The following TMEM131L variants were observed in gnomAD, a reference collection of about 807,000 sequenced individuals.
The protein encoded by TMEM131L is transmembrane protein 131-like.
A neutral mutation model predicts 192.2 loss-of-function variants in TMEM131L; 54 were observed. The observed-to-expected ratio is 0.28, with a 90% CI of 0.23 to 0.35. TMEM131L has a LOEUF of 0.35. Among genes scored for constraint, TMEM131L ranks in the 10% least tolerant of loss-of-function variants. TMEM131L has a pLI of 1.00. For synonymous variants in TMEM131L, 701 were observed against 704.9 expected (o/e 0.99, Z 0.09); for missense variants, 1,888 against 1,972.9 (o/e 0.96, Z 0.82).
intron 3 of TMEM131L, among the ~76,000 whole-genome samples, chr4:153,505,014 C>T (rs1261123331): frequency 6.6e-6 from 1 of 152,108 alleles, no homozygotes; most frequent in Non-Finnish European, 1.5e-5. Flanking sequence ...GAACTAGGCT[C>T]CTTGGCCTTT....
At chr4:153,580,731 A>G (rs1730271937) in intron 7 of TMEM131L, 95 bp from the exon 8 acceptor site, 1 of 704,162 alleles carries the variant, frequency 1.4e-6, no homozygotes, top group Admixed American at 2.5e-5. Context: ...ATAAATGAAA[A>G]AGTGTAGTTT....
chr4:153,554,522 A>G (rs1372865690), intron 4 of TMEM131L, among the ~76,000 whole-genome samples: 2 of 152,242 alleles, frequency 1.3e-5, no homozygotes, highest in African/African-American at 4.8e-5. Context: ...AAGAGAAGCA[A>G]CATCCATTTC....
chr4:153,558,294 G>C lies in TMEM131L; in HGVS notation c.586G>C (p.Gly196Arg). 1 of 1,608,598 alleles carries C rather than the reference G, an allele frequency of 6.2e-7. No homozygotes were observed. Among genetic ancestry groups the C allele is most frequent in the Non-Finnish European group, 8.5e-7 (1 of 1,175,708 alleles). The part of the protein sequence containing the change: ...GIGTRRISTE[G>R]SAKQLPNAYF... ...TGGCACTCGTAGAATCTCTACAGAA[G>C]GGTCTGCAAAGCAGCTACCAAATGC... Residue 196 changes from glycine to arginine, a missense_variant, in exon 7 of 35, where the codon GGG becomes CGG. By Grantham distance (125) the Gly-to-Arg change is moderately radical. Transcript: ENST00000409959.
intron 12 of TMEM131L, 79 bp from the exon 13 acceptor site, chr4:153,585,379 T>C (rs1019673969): frequency 5.8e-6 from 8 of 1,368,876 alleles, no homozygotes; most frequent in Non-Finnish European, 8.2e-6. Context: ...TGCTCCTGTT[T>C]TTGCAATTAG....
intron 3 of TMEM131L, among the ~76,000 whole-genome samples, chr4:153,533,136 A>G (rs1736041617): frequency 6.6e-6 from 1 of 152,092 alleles, no homozygotes; most frequent in Non-Finnish European, 1.5e-5. Flanking sequence ...ACAGGCATGC[A>G]CTACCACACC....
chr4:153,535,075 A>G (rs1401672559), intron 3 of TMEM131L, among the ~76,000 whole-genome samples: 1 of 152,212 alleles, frequency 6.6e-6, no homozygotes, highest in African/African-American at 2.4e-5. Context: ...GAAACCAGTG[A>G]GGCCCTTACA....
Position 153,488,856 on chromosome 4 carries a change from G to A in TMEM131L, c.239+14968G>A, listed in dbSNP as rs552683513. Reference sequence around the variant, plus strand: ...TTTCCTAGCTTCTGCGGGCTCGCCGGCAGCCTGTGGGGTTTCTTGGCTTGC... The same window carrying A: ...TTTCCTAGCTTCTGCGGGCTCGCCGACAGCCTGTGGGGTTTCTTGGCTTGC... On this transcript the variant is annotated intron_variant, in intron 3 of 34. Coordinates refer to ENST00000409959, the MANE Select transcript of TMEM131L (RefSeq NM_001131007.2). 2.0e-4 allele frequency among the ~76,000 whole-genome samples: 30 copies of A among 152,270 alleles called. 1 individual carries two copies. In the East Asian group the frequency reaches 5.0e-3, roughly 25 times the overall value.
At chr4:153,513,338 A>G (rs1734490355) in intron 3 of TMEM131L, among the ~76,000 whole-genome samples, 1 of 152,240 alleles carries the variant, frequency 6.6e-6, no homozygotes. Context: ...TCAGTAGGAT[A>G]GGAGCTCTAT....
chr4:153,554,918 C>T (rs17030148), intron 4 of TMEM131L, among the ~76,000 whole-genome samples: 61,051 of 152,012 alleles, frequency 0.4, 14,670 homozygotes, highest in African/African-American at 0.67. Flanking sequence ...TTATCAGAGC[C>T]GAGACATTGG....
chr4:153,514,491 C>T (rs2009608114), intron 3 of TMEM131L, among the ~76,000 whole-genome samples: 1 of 152,210 alleles, frequency 6.6e-6, no homozygotes, highest in African/African-American at 2.4e-5. Flanking sequence ...ATAAAAGTTA[C>T]AATAGCTGAT....
intron 3 of TMEM131L, among the ~76,000 whole-genome samples, chr4:153,516,535 A>G (rs1734744615): frequency 6.6e-6 from 1 of 152,134 alleles, no homozygotes; most frequent in Non-Finnish European, 1.5e-5. Flanking sequence ...TAGCCCTAAA[A>G]TCGAATTCTT....
chr4:153,516,620 T>C (rs1370844992), intron 3 of TMEM131L, among the ~76,000 whole-genome samples: 45 of 152,158 alleles, frequency 3.0e-4, no homozygotes, highest in Non-Finnish European at 1.5e-5. Flanking sequence ...GTGCAATCAT[T>C]TCTTTAGGAT....
intron 3 of TMEM131L, among the ~76,000 whole-genome samples, chr4:153,505,711 C>T (rs187576349): frequency 2.9e-4 from 44 of 152,152 alleles, no homozygotes; most frequent in Non-Finnish European, 8.8e-5. Flanking sequence ...ATTTTATTTC[C>T]CAGCTAAAAT....
rs761806542 is a variant in TMEM131L at position 153,591,180 on chromosome 4, C to T, written c.1798C>T (p.Leu600Phe). ...GLMLNFSATA[L>F]RSRMIKYFVV... The stretch of plus-strand genomic sequence containing the variant: ...CATGTTAAACTTCAGCGCAACTGCC[C>T]TTAGGAGCAGGATGGTGAGGACAGT... The change falls in exon 17 of 35, where the codon CTT (leucine) becomes TTT (phenylalanine). Residue 600 changes from leucine to phenylalanine, a missense_variant. Leu to Phe is a conservative substitution (Grantham distance 22). Coordinates refer to ENST00000409959, the MANE Select transcript of TMEM131L (RefSeq NM_001131007.2). 3.7e-6 allele frequency: 6 copies of T among 1,605,190 alleles called. No individual in the cohort carries two copies. Among genetic ancestry groups the T allele is most frequent in the Non-Finnish European group, 2.6e-6 (3 of 1,175,120 alleles).
intron 3 of TMEM131L, among the ~76,000 whole-genome samples, chr4:153,520,882 A>G (rs1019047627): frequency 8.5e-5 from 13 of 152,202 alleles, no homozygotes; most frequent in African/African-American, 2.7e-4. Context: ...TCCCAGGGGT[A>G]ATTGTAGCTT....
chr4:153,518,833 G>T (rs1324447163), intron 3 of TMEM131L, among the ~76,000 whole-genome samples: 1 of 152,174 alleles, frequency 6.6e-6, no homozygotes, highest in African/African-American at 2.4e-5. Context: ...GACTCCGGGG[G>T]ACACGTGCTG....
chr4:153,545,290 C>CTTTTTTTTT lies in TMEM131L; in HGVS notation c.240-4776_240-4768dup, dbSNP rs59852943. Among the ~76,000 whole-genome samples the CTTTTTTTTT allele has an allele frequency of 3.3e-3, 436 of 132,288 alleles. 18 individuals are homozygous for CTTTTTTTTT. Among genetic ancestry groups the CTTTTTTTTT allele is most frequent in the South Asian group, 0.031 (121 of 3,950 alleles). The allele number at this position is 132,288 out of a possible 152,430, so 86.8% of individuals were successfully genotyped here. On this transcript the variant is annotated intron_variant, in intron 3 of 34. Coordinates refer to ENST00000409959, the MANE Select transcript of TMEM131L (RefSeq NM_001131007.2). ...CTCTTGTATCAGCCACTTTTTCAAA[C>CTTTTTTTTT]TTTTTTTTTTTTTTTGAGATGGAGT...
chr4:153,549,128 C>G (rs1429772833), intron 3 of TMEM131L, among the ~76,000 whole-genome samples: 1 of 152,042 alleles, frequency 6.6e-6, no homozygotes, highest in Non-Finnish European at 1.5e-5. Flanking sequence ...CCATGCCTGG[C>G]TAATTTTTAA....
At chr4:153,635,361 T>A in intron 33 of TMEM131L, 71 bp from the exon 34 acceptor site, 1 of 1,488,146 alleles carries the variant, frequency 6.7e-7, no homozygotes, top group Admixed American at 1.7e-5. Flanking sequence ...GAAAGCTTTT[T>A]TGCCTGAGAG....
Sources: allele counts gnomAD v4.1 joint callset (sites outside exome capture counted in the v4.1 genomes callset), GRCh38; gene constraint gnomAD v4.1.1; transcripts MANE v1.5; gene names NCBI Gene and HGNC (gene_info 2026-07-23, HGNC 2026-07-21).